The following CCZ1B variants were observed in gnomAD, a reference collection of about 807,000 sequenced individuals.
CCZ1B encodes vacuolar fusion protein CCZ1 homolog B.
CCZ1B carries 25 observed loss-of-function variants against 58.8 expected under a neutral mutation model. The ratio of observed to expected loss-of-function variants is 0.43; its 90% confidence interval spans 0.31 to 0.59. The LOEUF is 0.59. Among genes scored for constraint, CCZ1B ranks in the 20% least tolerant of loss-of-function variants. The pLI, the probability that CCZ1B is intolerant of heterozygous loss-of-function variation, is 0.12. For missense variants in CCZ1B, 180 were observed against 501.5 expected, an observed-to-expected ratio of 0.36 and a Z score of 6.12; for synonymous variants, 66 against 173.2, an observed-to-expected ratio of 0.38 and a Z score of 4.86.
At chr7:6,814,538 C>A (rs1215743321) in intron 8 of CCZ1B, 3 of 411,156 alleles carry the variant, frequency 7.3e-6, no homozygotes, top group African/African-American at 4.3e-5. Context: ...AACCAACACA[C>A]AGACACACAA....
chr7:6,816,798 G>T (rs1783007828), intron 7 of CCZ1B, among the ~76,000 whole-genome samples: 1 of 151,772 alleles, frequency 6.6e-6, no homozygotes, highest in Non-Finnish European at 1.5e-5. Context: ...TGTCACCCAG[G>T]CTGGAGTACA....
In CCZ1B at chr7:6,818,297, G is replaced by T. The variant is rs368717180; in HGVS notation, c.698+1469C>A. The stretch of plus-strand genomic sequence containing the variant: ...GGTGCGGTGGCTCACACCTGTAATC[G>T]CGGCACTTTGGGAGGCCAATGCAGG... On this transcript the variant is annotated intron_variant, in intron 7 of 14. Coordinates refer to ENST00000316731, the MANE Select transcript of CCZ1B (RefSeq NM_198097.5). 3.3e-5 allele frequency among the ~76,000 whole-genome samples: 5 copies of T among 149,570 alleles called. 2 individuals carry two copies. Among genetic ancestry groups the T allele is most frequent in the African/African-American group, 1.3e-4 (5 of 39,698 alleles).
At chr7:6,825,644 C>A (rs1225366573) in intron 1 of CCZ1B, among the ~76,000 whole-genome samples, 1 of 111,532 alleles carries the variant, frequency 9.0e-6, no homozygotes, top group African/African-American at 3.6e-5. Flanking sequence ...AGAAAAACCA[C>A]ACACACACAC....
intron 6 of CCZ1B, among the ~76,000 whole-genome samples, 197 bp from the exon 7 acceptor site, chr7:6,820,138 A>C (rs1313410466): frequency 9.0e-6 from 1 of 110,796 alleles, no homozygotes; most frequent in Non-Finnish European, 1.9e-5. Flanking sequence ...TACAAAGTTC[A>C]AACTATCTAC....
At chr7:6,817,266 G>A (rs1413997008) in intron 7 of CCZ1B, among the ~76,000 whole-genome samples, 3 of 151,504 alleles carry the variant, frequency 2.0e-5, no homozygotes, top group Non-Finnish European at 2.9e-5. Context: ...GTGACTCCAG[G>A]CTTCAAAGGG....
rs200922002 is a variant in CCZ1B at position 6,815,172 on chromosome 7, CTTTT to C, written c.699-331_699-328del. Among the ~76,000 whole-genome samples the C allele has an allele frequency of 9.6e-5, 13 of 135,700 alleles. 2 individuals carry two copies. The highest frequency in any genetic ancestry group is 1.9e-4 in the Non-Finnish European group (12 of 63,152). 89.0% of individuals were successfully genotyped at this position (135,700 alleles called of 152,430 possible). A position where few individuals can be genotyped will look rare whatever the true frequency, so the allele number is the denominator to read the frequency against. On this transcript the variant is annotated intron_variant, in intron 7 of 14. Coordinates refer to ENST00000316731, the MANE Select transcript of CCZ1B (RefSeq NM_198097.5). ...TTTTATTAAAAAAAAATTTTTTTTT[CTTTT>C]TTTTTTTTGAGACAAGGTCTTGCTC...
intron 7 of CCZ1B, among the ~76,000 whole-genome samples, chr7:6,817,371 G>C (rs1783022665): frequency 6.6e-6 from 1 of 151,116 alleles, no homozygotes. Context: ...ACTCTCAGGA[G>C]TTTGCACCCA....
At chr7:6,812,891 C>T (rs78538675) in intron 9 of CCZ1B, 85 bp downstream of exon 9, 39,786 of 1,542,632 alleles carry the variant, frequency 0.026, 1,463 homozygotes, top group South Asian at 0.038. Flanking sequence ...CTTGCCACTG[C>T]TCTCCAGCCT....
intron 7 of CCZ1B, among the ~76,000 whole-genome samples, chr7:6,819,240 C>CTT (rs200393243): frequency 7.5e-6 from 1 of 133,154 alleles, no homozygotes; most frequent in African/African-American, 3.0e-5. Flanking sequence ...TAGGAACATT[C>CTT]TTTTTTTTTT....
intron 9 of CCZ1B, chr7:6,812,657 T>C (rs1782935500): frequency 5.9e-6 from 3 of 505,430 alleles, no homozygotes; most frequent in African/African-American, 3.9e-5. Context: ...GCATGGTGGA[T>C]CACACCTGTA....
At chr7:6,804,587 CACA>C (rs1347531837) in intron 12 of CCZ1B, among the ~76,000 whole-genome samples, 3 of 95,152 alleles carry the variant, frequency 3.2e-5, no homozygotes, top group Non-Finnish European at 6.0e-5. Context: ...CACATTTTCA[CACA>C]ACGAGAGGCA....
chr7:6,804,123 T>C (rs1782802001), intron 12 of CCZ1B, among the ~76,000 whole-genome samples: 1 of 150,594 alleles, frequency 6.6e-6, no homozygotes. Flanking sequence ...AACTATTTTA[T>C]ATTGAGAAAA....
At chr7:6,814,599 C>T (rs1195867747) in intron 8 of CCZ1B, 165 bp downstream of exon 8, 4 of 504,584 alleles carry the variant, frequency 7.9e-6, no homozygotes, top group South Asian at 3.5e-5. Flanking sequence ...AGGAGAGCTG[C>T]ATGTGGTTTT....
At chr7:6,803,962 ACCC>A (rs1782798338) in intron 12 of CCZ1B, among the ~76,000 whole-genome samples, 1 of 144,374 alleles carries the variant, frequency 6.9e-6, no homozygotes, top group Non-Finnish European at 1.5e-5. Context: ...AAAAAAAAAA[ACCC>A]AAAAAACAAC....
At chr7:6,819,653 T>G (rs1783076418) in intron 7 of CCZ1B, 113 bp downstream of exon 7, 3 of 626,014 alleles carry the variant, frequency 4.8e-6, no homozygotes, top group Non-Finnish European at 5.6e-6. Flanking sequence ...AGATGCTTCC[T>G]ACCCATCCTC....
chr7:6,823,207 C>G (rs1197165512), intron 5 of CCZ1B, 106 bp downstream of exon 5: 2 of 1,455,442 alleles, frequency 1.4e-6, no homozygotes, highest in East Asian at 2.3e-5. Flanking sequence ...AAGACAAATA[C>G]AGAGTCACTT....
In CCZ1B at chr7:6,818,590, AGAC is replaced by A. The variant is rs1306446508; in HGVS notation, c.698+1173_698+1175del. Among the ~76,000 whole-genome samples, 241 of 134,118 alleles carry A rather than the reference AGAC, an allele frequency of 1.8e-3. 12 individuals carry two copies. The highest frequency in any genetic ancestry group is 7.1e-3 in the African/African-American group (214 of 30,012). The allele number at this position is 134,118 out of a possible 152,430, so 88.0% of individuals were successfully genotyped here. A position where few individuals can be genotyped will look rare whatever the true frequency, so the allele number is the denominator to read the frequency against. On this transcript the variant is annotated intron_variant, in intron 7 of 14. Transcript: ENST00000316731. ...CAGAAAGAAAGACAGAAAGAAAGAC[AGAC>A]AGAAAGAAAGAAAGAAAGAAAGACA...
Position 6,823,512 on chromosome 7 carries a change from GTTCTTT to G in CCZ1B, c.391-158_391-153del, listed in dbSNP as rs1783146099. On this transcript the variant is annotated intron_variant, in intron 4 of 14. Coordinates refer to ENST00000316731, the MANE Select transcript of CCZ1B (RefSeq NM_198097.5). Reference sequence around the variant, plus strand: ...TTGCGTGCTGAAAAAAAGTGTTTGCGTTCTTTTTTTTTTTTTTTTTTTTTGAGATGG... The same window carrying G: ...TTGCGTGCTGAAAAAAAGTGTTTGCGTTTTTTTTTTTTTTTTTTGAGATGG... The G allele has an allele frequency of 6.4e-6, 5 of 777,006 alleles. No individual in the cohort carries two copies. In the African/African-American group the frequency reaches 7.9e-5, roughly 12 times the overall value. The allele number at this position is 777,006 out of a possible 1,614,324, so 48.1% of individuals were successfully genotyped here.
chr7:6,819,055 C>T (rs1422326153), intron 7 of CCZ1B, among the ~76,000 whole-genome samples: 2 of 119,968 alleles, frequency 1.7e-5, no homozygotes, highest in Non-Finnish European at 3.2e-5. Flanking sequence ...GAGGCTGAGG[C>T]GGGTGGATCG....
Sources: gnomAD v4.1 joint callset for allele counts (sites outside exome capture counted in the v4.1 genomes callset) on GRCh38, gnomAD v4.1.1 for gene constraint, MANE v1.5 for transcripts, NCBI Gene and HGNC (gene_info 2026-07-23, HGNC 2026-07-21) for gene names.